The following PCSK6 variants were observed in gnomAD, a reference collection of about 807,000 sequenced individuals.
PCSK6 encodes the protein paired basic amino acid cleaving enzyme 4.
A neutral mutation model predicts 123.3 loss-of-function variants in PCSK6; 85 were observed. The ratio of observed to expected loss-of-function variants is 0.69; its 90% CI spans 0.58 to 0.83. The LOEUF (loss-of-function observed/expected upper bound fraction) is 0.83. PCSK6 is among the 40% of genes least tolerant of loss of function. The pLI is 0.00. For synonymous variants in PCSK6, 508 were observed against 516.0 expected, an observed-to-expected ratio of 0.98 and a Z score of 0.21; for missense variants, 1,191 against 1,282.3, an observed-to-expected ratio of 0.93 and a Z score of 1.09.
chr15:101,456,506 G>A (rs1397140968), intron 1 of PCSK6, among the ~76,000 whole-genome samples: 2 of 152,158 alleles, frequency 1.3e-5, no homozygotes, highest in Non-Finnish European at 2.9e-5. Flanking sequence ...AGGTATTTTA[G>A]ACATGAGGGA....
Position 101,305,164 on chromosome 15 carries a change from G to A in PCSK6, c.*94C>T, listed in dbSNP as rs906060299. On this transcript the variant is annotated 3_prime_UTR_variant, in exon 22 of 22. Transcript: ENST00000611716. This position sits in a 1 kb window ranked among gnomAD's most constrained non-coding sequence, Gnocchi z 4.8. ...GAGATAAAGCTGTCAGGTGCAGGGCGCCGCTCCTGAAACAGACTCTGGCCG... is the reference window on the plus strand; with the variant it reads ...GAGATAAAGCTGTCAGGTGCAGGGCACCGCTCCTGAAACAGACTCTGGCCG... 3.9e-6 allele frequency: 4 copies of A among 1,029,272 alleles called. No individual in the cohort carries two copies. In the Middle Eastern group the frequency reaches 6.0e-4, roughly 155 times the overall value. 63.8% of individuals were successfully genotyped at this position (1,029,272 alleles called of 1,614,324 possible). A position where few individuals can be genotyped will look rare whatever the true frequency, so the allele number is the denominator to read the frequency against.
intron 1 of PCSK6, among the ~76,000 whole-genome samples, chr15:101,476,562 TAA>T (rs72127421): frequency 0.021 from 2,932 of 142,248 alleles, 91 homozygotes; most frequent in African/African-American, 0.069. Flanking sequence ...CCATTTATAT[TAA>T]AAAAAAAAAA....
Position 101,398,284 on chromosome 15 carries a change from C to T in PCSK6, c.996+120G>A. 3 of 1,265,214 alleles carry T rather than the reference C, an allele frequency of 2.4e-6. No homozygotes were observed. The highest frequency in any genetic ancestry group is 2.2e-6 in the Non-Finnish European group (2 of 920,432). 78.4% of individuals were successfully genotyped at this position (1,265,214 alleles called of 1,614,324 possible). A position where few individuals can be genotyped will look rare whatever the true frequency, so the allele number is the denominator to read the frequency against. The stretch of plus-strand genomic sequence containing the variant: ...CCTCCACACTGGCCCTGGCACCTGT[C>T]ACAGCAGAGTCTTCCCTGTCTTGTT... On this transcript the variant is annotated intron_variant, in intron 7 of 21. Coordinates refer to ENST00000611716, the MANE Select transcript of PCSK6 (RefSeq NM_002570.5). The surrounding 1 kb of genome is among the most constrained non-coding windows in gnomAD (Gnocchi z 4.6).
chr15:101,329,102 A>AG (rs1447841079), intron 15 of PCSK6, among the ~76,000 whole-genome samples: 4 of 152,130 alleles, frequency 2.6e-5, no homozygotes, highest in Admixed American at 6.5e-5. Context: ...TCTTCATACA[A>AG]GGGGGGCTCC....
chr15:101,446,573 C>T (rs1281136976), intron 1 of PCSK6, among the ~76,000 whole-genome samples: 2 of 152,214 alleles, frequency 1.3e-5, no homozygotes, highest in East Asian at 1.9e-4. Context: ...TTCATGGCTG[C>T]CTTCCTACTA....
At chr15:101,309,859 G>C (rs1417148125) in intron 20 of PCSK6, among the ~76,000 whole-genome samples, 2 of 151,890 alleles carry the variant, frequency 1.3e-5, no homozygotes, top group East Asian at 3.9e-4. Context: ...GGAACTTATC[G>C]TGCATTGTTC....
intron 6 of PCSK6, among the ~76,000 whole-genome samples, chr15:101,424,009 G>C (rs1248306778): frequency 6.6e-6 from 1 of 152,198 alleles, no homozygotes; most frequent in African/African-American, 2.4e-5. Context: ...GATCGCTTGA[G>C]GCCAGGAGTT....
chr15:101,368,383 A>G (rs889350665), intron 12 of PCSK6, among the ~76,000 whole-genome samples: 1 of 152,216 alleles, frequency 6.6e-6, no homozygotes, highest in African/African-American at 2.4e-5. Flanking sequence ...CCAGGGATAC[A>G]TATATTATCA....
chr15:101,409,228 C>T (rs1229619863), intron 6 of PCSK6, among the ~76,000 whole-genome samples: 5 of 151,976 alleles, frequency 3.3e-5, no homozygotes, highest in Admixed American at 1.3e-4. Context: ...GCGGCCGAGG[C>T]GGGCGGATCA....
At chr15:101,481,929 G>GT (rs1567258450) in intron 1 of PCSK6, among the ~76,000 whole-genome samples, 1 of 152,230 alleles carries the variant, frequency 6.6e-6, no homozygotes, top group Non-Finnish European at 1.5e-5. Flanking sequence ...CTGATGAGCA[G>GT]GAGCCAGTAC....
At chr15:101,416,468 A>G (rs1445712998) in intron 6 of PCSK6, among the ~76,000 whole-genome samples, 1 of 152,258 alleles carries the variant, frequency 6.6e-6, no homozygotes, top group Non-Finnish European at 1.5e-5. Flanking sequence ...AGTAGAAAAG[A>G]AAATCCCATT....
chr15:101,472,647 G>A (rs549201683), intron 1 of PCSK6, among the ~76,000 whole-genome samples: 3 of 152,306 alleles, frequency 2.0e-5, no homozygotes, highest in Non-Finnish European at 4.4e-5. Context: ...AGGAGGCTGA[G>A]CAGCTCCCTG....
intron 5 of PCSK6, among the ~76,000 whole-genome samples, chr15:101,429,236 A>AG (rs2056364381): frequency 1.3e-5 from 2 of 152,190 alleles, no homozygotes; most frequent in African/African-American, 4.8e-5. Flanking sequence ...CTGATGGAGA[A>AG]GGAAAGAGAC....
At chr15:101,471,063 C>A (rs1212712991) in intron 1 of PCSK6, among the ~76,000 whole-genome samples, 1 of 152,180 alleles carries the variant, frequency 6.6e-6, no homozygotes, top group Non-Finnish European at 1.5e-5. Context: ...AAACCACGGA[C>A]TCTGCTCATT....
At chr15:101,333,371 C>T (rs1306889810) in intron 13 of PCSK6, among the ~76,000 whole-genome samples, 1 of 152,234 alleles carries the variant, frequency 6.6e-6, no homozygotes, top group African/African-American at 2.4e-5. Context: ...GCTGTGAACC[C>T]CCTCAGTGGG....
At chr15:101,362,496 G>A (rs922478808) in intron 13 of PCSK6, among the ~76,000 whole-genome samples, 45 of 152,152 alleles carry the variant, frequency 3.0e-4, no homozygotes, top group African/African-American at 1.0e-3. Flanking sequence ...ACCCAGGAGT[G>A]CGTGCAGGGG....
chr15:101,342,129 C>CA lies in PCSK6; in HGVS notation c.1859-10099dup, dbSNP rs35083182. On this transcript the variant is annotated intron_variant, in intron 13 of 21. Transcript: ENST00000611716. ...TGGGAAACAGAGTAAGACCCTGTCT[C>CA]AAAAAAAAAAAAAAAAAAAAAAAAG... Among the ~76,000 whole-genome samples the CA allele has an allele frequency of 9.7e-3, 501 of 51,408 alleles. 22 individuals carry two copies. Among genetic ancestry groups the CA allele is most frequent in the Middle Eastern group, 0.029 (2 of 70 alleles). The allele number at this position is 51,408 out of a possible 152,430, so 33.7% of individuals were successfully genotyped here. A position where few individuals can be genotyped will look rare whatever the true frequency, so the allele number is the denominator to read the frequency against.
chr15:101,479,251 C>G (rs552066893), intron 1 of PCSK6, among the ~76,000 whole-genome samples: 178 of 152,266 alleles, frequency 1.2e-3, no homozygotes, highest in African/African-American at 4.1e-3. Flanking sequence ...AGGAAGGGGC[C>G]CCCAGGTTAA....
At chr15:101,420,463 T>C (rs1289491910) in intron 6 of PCSK6, among the ~76,000 whole-genome samples, 2 of 152,064 alleles carry the variant, frequency 1.3e-5, no homozygotes, top group Non-Finnish European at 2.9e-5. Flanking sequence ...TAGGCTTATG[T>C]GGTCCTCTCA....
Sources: allele counts gnomAD v4.1 joint callset (sites outside exome capture counted in the v4.1 genomes callset), GRCh38; gene constraint gnomAD v4.1.1; non-coding constraint Gnocchi (gnomAD v3.1); transcripts MANE v1.5; gene names NCBI Gene and HGNC (gene_info 2026-07-23, HGNC 2026-07-21).